The following TTN variants were observed in gnomAD, a reference collection of about 807,000 sequenced individuals.
The protein encoded by TTN is titin, also known as connectin.
In TTN, 1,525 loss-of-function variants were observed where a neutral mutation model predicts 3,223.0. The ratio of observed to expected loss-of-function variants is 0.47; its 90% CI spans 0.45 to 0.49. The LOEUF (loss-of-function observed/expected upper bound fraction) is 0.49. Ranked by LOEUF, TTN falls within the 20% of genes least tolerant of loss-of-function variation. TTN has a pLI of 0.00. For synonymous variants in TTN, 14,094 were observed against 15,161.0 expected (o/e 0.93, Z 5.17); for missense variants, 40,786 against 43,424.0 (o/e 0.94, Z 5.40).
In TTN at chr2:178,605,597, C is replaced by G. The variant is rs1231539821; in HGVS notation, c.53698G>C (p.Glu17900Gln). ...TCAGGTTTGTCATGACGCCGTTTTT[C>G]AATGATATATCCTTGGATGGGACTG... ...GGSPIQGYII[E>Q]KRRHDKPDFE... Residue 17900 changes from glutamate (E) to glutamine (Q), a missense_variant, in exon 279 of 363, where the codon GAA becomes CAA. Transcript: ENST00000589042. 1 of 1,586,598 alleles carries G rather than the reference C, an allele frequency of 6.3e-7. No homozygotes were observed. Among genetic ancestry groups the G allele is most frequent in the Non-Finnish European group, 8.6e-7 (1 of 1,164,236 alleles).
rs1218973879 is a variant in TTN, at chr2:178,651,543, A to G, written c.39464-7T>C. 1.9e-6 allele frequency: 3 copies of G among 1,612,814 alleles called. No individual in the cohort carries two copies. The highest frequency in any genetic ancestry group is 1.7e-4 in the Middle Eastern group (1 of 6,048). On this transcript the variant is annotated splice_polypyrimidine_tract_variant and splice_region_variant and intron_variant, in intron 206 of 362. Transcript: ENST00000589042. ...TCCTTGGGCACCTCGGGCACTATAA[A>G]AGATATTAGTAGTTGTTTAAGCTCA...
chr2:178,590,143 CCTGAAT>C lies in TTN; in HGVS notation c.61576_61581del (p.Ile20526_Gln20527del). The stretch of plus-strand genomic sequence containing the variant: ...ATTTGTAACTCAACACGAGGTAGAT[CCTGAAT>C]AAGGTCCACCCTCTTTTCTCGGACC... On this transcript the variant is annotated inframe_deletion, in exon 304 of 363. Coordinates refer to ENST00000589042, the MANE Select transcript of TTN (RefSeq NM_001267550.2). The C allele has an allele frequency of 6.2e-7, 1 of 1,613,226 alleles. No individual in the cohort carries two copies. Among genetic ancestry groups the C allele is most frequent in the Non-Finnish European group, 8.5e-7 (1 of 1,179,496 alleles).
Position 178,652,544 on chromosome 2 carries a change from TA to T in TTN, c.39044-4del. ...AACTTCTTTCGGAGCCTCTGGCACT[TA>T]AAAGATATTAGTGAAATTACATTTA... is the stretch of plus-strand genomic sequence containing the variant. On this transcript the variant is annotated splice_polypyrimidine_tract_variant and splice_region_variant and intron_variant, in intron 201 of 362. Coordinates refer to ENST00000589042, the MANE Select transcript of TTN (RefSeq NM_001267550.2). 1 of 1,613,230 alleles carries T rather than the reference TA, an allele frequency of 6.2e-7. No individual in the cohort carries two copies. Among genetic ancestry groups the T allele is most frequent in the Non-Finnish European group, 8.5e-7 (1 of 1,179,552 alleles).
intron 11 of TTN, 37 bp downstream of exon 11, chr2:178,790,671 T>C (rs2093438078): frequency 3.1e-6 from 5 of 1,613,928 alleles, no homozygotes; most frequent in Non-Finnish European, 4.2e-6. Context: ...AATGAAATGG[T>C]GCAAGAGTGA....
intron 127 of TTN, among the ~76,000 whole-genome samples, chr2:178,686,113 A>ATTTTTTTTTTTTTTTTTTTTTTTTTTTT (rs765570520): frequency 3.9e-5 from 3 of 77,800 alleles, no homozygotes; most frequent in Admixed American, 1.9e-4. Context: ...TACAGTTTTA[A>ATTTTTTTTTTTTTTTTTTTTTTTTTTTT]TTTTTTTTTT....
Position 178,552,315 on chromosome 2 carries a change from C to T in TTN, c.90585G>A (p.Lys30195=). The change falls in exon 335 of 363, where the codon AAG becomes AAA. Residue 30195 remains lysine, a synonymous_variant. Coordinates refer to ENST00000589042, the MANE Select transcript of TTN (RefSeq NM_001267550.2). ...CAGTGTATTTTCCTCCATGCTCCTT[C>T]TTGGCATTCTTAATACTCAAAGTAA... ...NKITLSIKNA[K]KEHGGKYTVI... 1 of 1,610,870 alleles carries T rather than the reference C, an allele frequency of 6.2e-7. No homozygotes were observed. Among genetic ancestry groups the T allele is most frequent in the Admixed American group, 1.7e-5 (1 of 59,546 alleles).
At chr2:178,784,668 C>T (rs188474655) in intron 15 of TTN, among the ~76,000 whole-genome samples, 75 of 152,206 alleles carry the variant, frequency 4.9e-4, no homozygotes, top group African/African-American at 1.7e-3. Context: ...TTAACCATTC[C>T]GATGAATGCC....
At position 178,560,148 on chromosome 2, in the gene TTN, C is replaced by A; in HGVS notation, c.85984G>T (p.Asp28662Tyr). ...ATAGTTATAGTTGTCTTGCCTGAGT[C>A]CACAATTTTGGGTTTGGATGGAGGA... ...PSPPSKPKIV[D>Y]SGKTTITIAW... Residue 28662 changes from aspartate (D) to tyrosine (Y), a missense_variant, in exon 326 of 363, where the codon GAC (aspartate) becomes TAC (tyrosine). Physicochemically the swap from Asp to Tyr is radical, Grantham distance 160. Coordinates refer to ENST00000589042, the MANE Select transcript of TTN (RefSeq NM_001267550.2). 1 of 1,613,590 alleles carries A rather than the reference C, an allele frequency of 6.2e-7. No homozygotes were observed. The highest frequency in any genetic ancestry group is 8.5e-7 in the Non-Finnish European group (1 of 1,179,682).
chr2:178,751,014 T>C (rs1348653761), intron 47 of TTN: 2 of 1,612,470 alleles, frequency 1.2e-6, no homozygotes, highest in African/African-American at 2.7e-5. Context: ...TCATCAACAA[T>C]AGTTTGAAAG....
Position 178,613,008 on chromosome 2 carries a change from A to G in TTN, c.49713T>C (p.Asn16571=), listed in dbSNP as rs755434116. The change falls in exon 265 of 363, where the codon AAT becomes AAC. Residue 16571 remains asparagine, a synonymous_variant. Transcript: ENST00000589042. ...KDVGKTSVRL[N]WTKPEHDGGA... ...CTCCATCATGTTCTGGTTTTGTCCA[A>G]TTCAACCTTACTGATGTTTTGCCTA... The G allele has an allele frequency of 1.6e-5, 25 of 1,612,682 alleles. No individual in the cohort carries two copies. Among genetic ancestry groups the G allele is most frequent in the South Asian group, 2.2e-5 (2 of 91,044 alleles).
chr2:178,715,173 T>C lies in TTN; in HGVS notation c.26013A>G (p.Pro8671=), dbSNP rs904761433. The change falls in exon 90 of 363, where the codon CCA becomes CCG. Residue 8671 remains proline (P), a synonymous_variant. Transcript: ENST00000589042. ...HLECELQGTP[P]FHVSWYKDKR... ...TGTCTTTATACCAAGAAACGTGAAA[T>C]GGGGGAGTGCCCTGAAGCTCACATT... 1 of 1,613,702 alleles carries C rather than the reference T, an allele frequency of 6.2e-7. No individual in the cohort carries two copies.
At chr2:178,555,381 T>C (rs1700994748) in intron 330 of TTN, 3 of 486,732 alleles carry the variant, frequency 6.2e-6, no homozygotes, top group Admixed American at 3.9e-5. Context: ...ACCTTTTACA[T>C]GTGTTTTAAA....
In TTN at chr2:178,595,753, A is replaced by C. The variant is rs1408812276; in HGVS notation, c.57601T>G (p.Cys19201Gly). The C allele has an allele frequency of 5.0e-6, 8 of 1,609,096 alleles. No individual in the cohort carries two copies. The Admixed American group carries it at 1.3e-4, about 27-fold the overall frequency. ...TCTGGAGAAAACCATGTCAGTTTGCAGGACTCATTGGTTAGGTTGTGAGCT... is the reference window on the plus strand; with the variant it reads ...TCTGGAGAAAACCATGTCAGTTTGCCGGACTCATTGGTTAGGTTGTGAGCT... Reference protein sequence around the residue: ...FLAHNLTNESCKLTWFSPEDD... With the variant: ...FLAHNLTNESGKLTWFSPEDD... Residue 19201 changes from cysteine to glycine, a missense_variant, in exon 295 of 363, where the codon TGC (cysteine) becomes GGC (glycine). Transcript: ENST00000589042.
chr2:178,541,978 C>T (rs1694772431), intron 349 of TTN: 1 of 308,166 alleles, frequency 3.2e-6, no homozygotes, highest in Admixed American at 4.5e-5. Flanking sequence ...CTTCCTCCTT[C>T]CCTTCTCTCT....
rs1216083693 is a variant in TTN, at chr2:178,689,819, C to A, written c.31840G>T (p.Ala10614Ser). The change falls in exon 122 of 363, where the codon GCT (alanine) becomes TCT (serine). Residue 10614 changes from alanine (A) to serine (S), a missense_variant. Transcript: ENST00000589042. ...PVAKKKEAPP[A>S]KVPEVQKGVV... ...ACGTCGAAAGCCACTGTACCTTTAG[C>A]TGGGGGAGCTTCCTTTTTCTTTGCA... is the stretch of plus-strand genomic sequence containing the variant. The A allele has an allele frequency of 1.9e-6, 3 of 1,608,852 alleles. No homozygotes were observed. The highest frequency in any genetic ancestry group is 2.5e-6 in the Non-Finnish European group (3 of 1,178,596).
rs1696086052 is a variant in TTN at position 178,544,474 on chromosome 2, C to T, written c.95755G>A (p.Val31919Met). 1 of 1,608,938 alleles carries T rather than the reference C, an allele frequency of 6.2e-7. No homozygotes were observed. The highest frequency in any genetic ancestry group is 1.3e-5 in the African/African-American group (1 of 74,940). ...TPGPPSAPRVVDTTKHSISLA... is the reference protein window; with the variant it reads ...TPGPPSAPRVMDTTKHSISLA... ...CTAATGCTGTGTTTGGTGGTATCCA[C>T]AACTCTTGGAGCAGAAGGTGGTCCA... is the stretch of plus-strand genomic sequence containing the variant. The change falls in exon 345 of 363, where the codon GTG becomes ATG. Residue 31919 changes from valine (V) to methionine (M), a missense_variant. Transcript: ENST00000589042.
chr2:178,785,668 G>C lies in TTN; in HGVS notation c.2445C>G (p.His815Gln). The C allele has an allele frequency of 6.2e-7, 1 of 1,614,112 alleles. No homozygotes were observed. The highest frequency in any genetic ancestry group is 1.1e-5 in the South Asian group (1 of 91,084). ...GAACAGAAATTTTTGAAACAGTAAA[G>C]TGAGGGCTAGCTGTGCGGGGGCGTT... Reference protein sequence around the residue: ...VDKRPRTASPHFTVSKISVPK... With the variant: ...VDKRPRTASPQFTVSKISVPK... The change falls in exon 15 of 363, where the codon CAC (histidine) becomes CAG (glutamine). Residue 815 changes from histidine (H) to glutamine (Q), a missense_variant. Coordinates refer to ENST00000589042, the MANE Select transcript of TTN (RefSeq NM_001267550.2).
intron 163 of TTN, among the ~76,000 whole-genome samples, chr2:178,666,419 T>C (rs1300868605): frequency 2.0e-5 from 3 of 152,150 alleles, no homozygotes; most frequent in Admixed American, 1.3e-4. Flanking sequence ...GATTTCCAGC[T>C]TTAACTGGAA....
At chr2:178,629,276 A>G in intron 240 of TTN, 25 bp downstream of exon 240, 1 of 1,608,378 alleles carries the variant, frequency 6.2e-7, no homozygotes, top group Non-Finnish European at 8.5e-7. Flanking sequence ...AAGAACGGGA[A>G]AGACAAGGCA....
Sources: gnomAD v4.1 joint callset for allele counts (sites outside exome capture counted in the v4.1 genomes callset) on GRCh38, gnomAD v4.1.1 for gene constraint, MANE v1.5 for transcripts, NCBI Gene and HGNC (gene_info 2026-07-23, HGNC 2026-07-21) for gene names.